The following RC3H1 variants were observed in gnomAD, a reference collection of about 807,000 sequenced individuals.
RC3H1 encodes roquin-1.
In RC3H1, 50 loss-of-function variants were observed where a neutral mutation model predicts 138.2. The ratio of observed to expected loss-of-function variants is 0.36; its 90% CI spans 0.29 to 0.46. The LOEUF (loss-of-function observed/expected upper bound fraction) is 0.46, where lower values mean the gene tolerates loss of function less well. Among genes scored for constraint, RC3H1 ranks in the 20% least tolerant of loss-of-function variants. The pLI is 1.00. For missense variants in RC3H1, 1,031 were observed against 1,388.1 expected, an observed-to-expected ratio of 0.74 and a Z score of 4.09; for synonymous variants, 462 against 489.1, an observed-to-expected ratio of 0.94 and a Z score of 0.73.
chr1:173,993,090 TAAA>T lies in RC3H1; in HGVS notation c.-108_-106del. On this transcript the variant is annotated 5_prime_UTR_variant, in exon 2 of 20. Transcript: ENST00000367696. The stretch of plus-strand genomic sequence containing the variant: ...AAAAAAAGTTTATCTTTTTTTTTTT[TAAA>T]TATCTTCTGTAGATACAGTCAGCAC... The T allele has an allele frequency of 2.5e-6, 2 of 789,908 alleles. No homozygotes were observed. Among genetic ancestry groups the T allele is most frequent in the Non-Finnish European group, 4.1e-6 (2 of 491,462 alleles). The allele number at this position is 789,908 out of a possible 1,614,324, so 48.9% of individuals were successfully genotyped here. A position where few individuals can be genotyped will look rare whatever the true frequency, so the allele number is the denominator to read the frequency against.
At chr1:173,945,423 G>A (rs1433586473) in intron 17 of RC3H1, among the ~76,000 whole-genome samples, 1 of 152,006 alleles carries the variant, frequency 6.6e-6, no homozygotes, top group East Asian at 1.9e-4. Flanking sequence ...ACCACGTCCA[G>A]CCAGATTTTA....
At position 174,004,731 on chromosome 1, in the gene RC3H1, T is replaced by C. The variant is rs997132235; in HGVS notation, c.-150-11596A>G. Among the ~76,000 whole-genome samples the C allele has an allele frequency of 4.6e-5, 7 of 151,460 alleles. No homozygotes were observed. The South Asian group carries it at 6.3e-4, about 14-fold the overall frequency. On this transcript the variant is annotated intron_variant, in intron 1 of 19. Transcript: ENST00000367696. The stretch of plus-strand genomic sequence containing the variant: ...TACTAGGGAGGCTGAGGCAGGAGAA[T>C]TGCTTGAACCCAGGAGGCGGAAGTT...
At chr1:173,963,936 C>T (rs747360806) in intron 11 of RC3H1, 37 bp downstream of exon 11, 2 of 1,553,198 alleles carry the variant, frequency 1.3e-6, no homozygotes, top group South Asian at 1.1e-5. Context: ...CTGATAATTC[C>T]TAAGAAAAGT....
intron 17 of RC3H1, among the ~76,000 whole-genome samples, chr1:173,944,901 CT>C (rs965930405): frequency 1.3e-4 from 20 of 152,188 alleles, no homozygotes; most frequent in African/African-American, 2.4e-4. Context: ...TGTCTTATAA[CT>C]TTTTTTCCCC....
At chr1:173,991,083 AGCT>A (rs1661268461) in intron 2 of RC3H1, among the ~76,000 whole-genome samples, 1 of 152,190 alleles carries the variant, frequency 6.6e-6, no homozygotes, top group Non-Finnish European at 1.5e-5. Flanking sequence ...TACAAAAATT[AGCT>A]GGGTATGGTA....
intron 18 of RC3H1, among the ~76,000 whole-genome samples, chr1:173,941,814 C>A (rs1276567030): frequency 2.0e-5 from 3 of 150,622 alleles, no homozygotes; most frequent in Non-Finnish European, 4.4e-5. Flanking sequence ...CGCCTGTAAT[C>A]CCAGCTACTC....
intron 12 of RC3H1, 76 bp from the exon 13 acceptor site, chr1:173,961,320 A>G: frequency 7.5e-7 from 1 of 1,331,316 alleles, no homozygotes; most frequent in Non-Finnish European, 1.0e-6. Context: ...CTCAGCGTAT[A>G]TTTTAAGTTA....
At chr1:173,979,317 G>A (rs571625498) in intron 6 of RC3H1, among the ~76,000 whole-genome samples, 2 of 152,308 alleles carry the variant, frequency 1.3e-5, no homozygotes, top group African/African-American at 4.8e-5. Flanking sequence ...GTTCAGTTCA[G>A]ACAAGATTAA....
chr1:173,966,433 C>T (rs996810861), intron 9 of RC3H1, among the ~76,000 whole-genome samples: 3 of 151,990 alleles, frequency 2.0e-5, no homozygotes, highest in Non-Finnish European at 2.9e-5. Flanking sequence ...AATAAAACCT[C>T]GGCTTGGCGC....
chr1:174,002,696 T>C (rs1250676406), intron 1 of RC3H1, among the ~76,000 whole-genome samples: 1 of 152,226 alleles, frequency 6.6e-6, no homozygotes, highest in African/African-American at 2.4e-5. Context: ...CTTCTTTCTA[T>C]ATAGCATTTA....
Position 173,961,818 on chromosome 1 carries a change from C to T in RC3H1, c.2109G>A (p.Ser703=), listed in dbSNP as rs777444117. The change falls in exon 12 of 20, where the codon TCG becomes TCA. Residue 703 remains serine, a synonymous_variant. Coordinates refer to ENST00000367696, the MANE Select transcript of RC3H1 (RefSeq NM_172071.4). ...ATCTTTCTCTGGATTCTGGTACATACGATGGTACTGCTGCAGGTGGAATCT... is the reference window on the plus strand; with the variant it reads ...ATCTTTCTCTGGATTCTGGTACATATGATGGTACTGCTGCAGGTGGAATCT... ...PIEIPPAAVP[S]YVPESRERYQ... The T allele has an allele frequency of 3.7e-6, 6 of 1,613,662 alleles. No homozygotes were observed. The highest frequency in any genetic ancestry group is 2.2e-5 in the East Asian group (1 of 44,888).
chr1:173,941,492 T>A, intron 18 of RC3H1, 112 bp from the exon 19 acceptor site: 1 of 666,112 alleles, frequency 1.5e-6, no homozygotes, highest in Non-Finnish European at 2.6e-6. Flanking sequence ...TTCAATTTTG[T>A]AAAATAACCA....
At chr1:173,959,349 C>CA (rs1380750673) in intron 13 of RC3H1, among the ~76,000 whole-genome samples, 1 of 151,924 alleles carries the variant, frequency 6.6e-6, no homozygotes, top group Non-Finnish European at 1.5e-5. Flanking sequence ...AAAATAGTTT[C>CA]AAAAAACATT....
chr1:174,017,783 CAAAAAAAAA>C (rs61239660), intron 1 of RC3H1, among the ~76,000 whole-genome samples: 27 of 72,030 alleles, frequency 3.7e-4, no homozygotes, highest in African/African-American at 1.1e-3. Context: ...TTTTCTTGCT[CAAAAAAAAA>C]AAAAAAAAAA....
At chr1:173,966,589 C>T (rs1400750253) in intron 9 of RC3H1, among the ~76,000 whole-genome samples, 1 of 151,996 alleles carries the variant, frequency 6.6e-6, no homozygotes, top group African/African-American at 2.4e-5. Context: ...GTGGCAGGCA[C>T]CTGTAGTCCC....
In RC3H1 at chr1:173,962,070, T is replaced by C; in HGVS notation, c.1857A>G (p.Gln619=). 2 of 1,613,874 alleles carry C rather than the reference T, an allele frequency of 1.2e-6. No individual in the cohort carries two copies. The highest frequency in any genetic ancestry group is 1.7e-6 in the Non-Finnish European group (2 of 1,179,918). Residue 619 remains glutamine, a synonymous_variant, in exon 12 of 20, where the codon CAA becomes CAG. Coordinates refer to ENST00000367696, the MANE Select transcript of RC3H1 (RefSeq NM_172071.4). ...GAGGTCGGACAAAGCGGGACACACA[T>C]TGTGGTGGTGGAGTATAATACATAC... ...QQGMYYTPPP[Q]CVSRFVRPPP...
Position 173,972,489 on chromosome 1 carries a change from G to C in RC3H1, c.1221+20C>G. The C allele has an allele frequency of 6.3e-7, 1 of 1,578,872 alleles. No homozygotes were observed. The highest frequency in any genetic ancestry group is 1.1e-5 in the South Asian group (1 of 90,250). On this transcript the variant is annotated intron_variant, in intron 8 of 19. Coordinates refer to ENST00000367696, the MANE Select transcript of RC3H1 (RefSeq NM_172071.4). The stretch of plus-strand genomic sequence containing the variant: ...CATATCCACAGTGGGTTAACTCTAA[G>C]TTTTAAACAGCTTCCTTACCTGCTG...
At chr1:173,957,685 AG>A (rs1364953530) in intron 13 of RC3H1, among the ~76,000 whole-genome samples, 1 of 152,048 alleles carries the variant, frequency 6.6e-6, no homozygotes, top group African/African-American at 2.4e-5. Flanking sequence ...CAGCCTCCCA[AG>A]TAGCTGGGAC....
intron 5 of RC3H1, among the ~76,000 whole-genome samples, chr1:173,981,260 A>C (rs1262942548): frequency 6.6e-6 from 1 of 152,194 alleles, no homozygotes; most frequent in African/African-American, 2.4e-5. Flanking sequence ...CAGGCTGAGA[A>C]TCTCTTACCC....
Sources: gnomAD v4.1 joint callset for allele counts (sites outside exome capture counted in the v4.1 genomes callset) on GRCh38, gnomAD v4.1.1 for gene constraint, MANE v1.5 for transcripts, NCBI Gene and HGNC (gene_info 2026-07-23, HGNC 2026-07-21) for gene names.